PLCXD3: variants seen among roughly 807,000 people sequenced by gnomAD.
PLCXD3 encodes phosphatidylinositol specific phospholipase C X domain containing 3.
In PLCXD3, 19 loss-of-function variants were observed where a neutral mutation model predicts 25.5. That is an observed-to-expected ratio of 0.75 (90% CI 0.52 to 1.09). PLCXD3 has a LOEUF of 1.09. Among genes scored for constraint, PLCXD3 ranks in the 50% least tolerant of loss-of-function variants. The probability of loss-of-function intolerance (pLI) is 0.00; values close to 1 mark genes in which losing one functional copy is unlikely to be tolerated. For missense variants in PLCXD3, 411 were observed against 388.1 expected, an observed-to-expected ratio of 1.06 and a Z score of -0.50; for synonymous variants, 174 against 137.6, an observed-to-expected ratio of 1.26 and a Z score of -1.85.
intron 2 of PLCXD3, among the ~76,000 whole-genome samples, chr5:41,317,197 G>A (rs1743325290): frequency 6.6e-6 from 1 of 152,206 alleles, no homozygotes; most frequent in Non-Finnish European, 1.5e-5. Flanking sequence ...AAGAAAGTAA[G>A]GAAAGAGAAC....
At chr5:41,336,293 C>G (rs1308583023) in intron 2 of PLCXD3, among the ~76,000 whole-genome samples, 2 of 151,962 alleles carry the variant, frequency 1.3e-5, no homozygotes, top group Non-Finnish European at 2.9e-5. Flanking sequence ...GAATTCAAAT[C>G]CTGGGTAAGT....
At chr5:41,361,624 C>T (rs764276525) in intron 2 of PLCXD3, among the ~76,000 whole-genome samples, 17 of 152,136 alleles carry the variant, frequency 1.1e-4, no homozygotes, top group Non-Finnish European at 2.1e-4. Context: ...ATGGAATGAA[C>T]AATAGAAACC....
chr5:41,310,042 G>C lies in PLCXD3; in HGVS notation c.*3575C>G, dbSNP rs911777787. 6.6e-6 allele frequency: 1 copy of C among 152,020 alleles called. No individual in the cohort carries two copies. The highest frequency in any genetic ancestry group is 2.4e-5 in the African/African-American group (1 of 41,406). 9.4% of individuals were successfully genotyped at this position (152,020 alleles called of 1,614,324 possible). ...TGTAATGTGTGTATGTGCACATACA[G>C]GTGTATACATGGCAAACATTTTATA... is the stretch of plus-strand genomic sequence containing the variant. On this transcript the variant is annotated 3_prime_UTR_variant, in exon 3 of 3. Coordinates refer to ENST00000377801, the MANE Select transcript of PLCXD3 (RefSeq NM_001005473.3).
In PLCXD3 at chr5:41,446,176, C is replaced by CAAAAAAAAAAAAAAAAAAAAAAAAAA. The variant is rs70988847; in HGVS notation, c.104-63643_104-63642insTTTTTTTTTTTTTTTTTTTTTTTTTT. Among the ~76,000 whole-genome samples the CAAAAAAAAAAAAAAAAAAAAAAAAAA allele has an allele frequency of 7.9e-5, 3 of 38,120 alleles. 1 individual carries two copies. Among genetic ancestry groups the CAAAAAAAAAAAAAAAAAAAAAAAAAA allele is most frequent in the Non-Finnish European group, 5.0e-5 (1 of 19,888 alleles). The allele number at this position is 38,120 out of a possible 152,430, so 25.0% of individuals were successfully genotyped here. A position where few individuals can be genotyped will look rare whatever the true frequency, so the allele number is the denominator to read the frequency against. ...TGGGCGACGGAGCCAGACTCCTTCT[C>CAAAAAAAAAAAAAAAAAAAAAAAAAA]AAAAAAAAAAAAAAAAAAAAAAAAA... On this transcript the variant is annotated intron_variant, in intron 1 of 2. Transcript: ENST00000377801.
chr5:41,465,773 C>G (rs1316448878), intron 1 of PLCXD3, among the ~76,000 whole-genome samples: 2 of 152,012 alleles, frequency 1.3e-5, no homozygotes, highest in Non-Finnish European at 2.9e-5. Flanking sequence ...TAGCTCTGCT[C>G]TTGACTTTTG....
chr5:41,379,138 A>C (rs567887381), intron 2 of PLCXD3, among the ~76,000 whole-genome samples: 17 of 152,258 alleles, frequency 1.1e-4, no homozygotes, highest in Admixed American at 2.0e-4. Flanking sequence ...CTTTCATTCA[A>C]GGTGTGGAGA....
At chr5:41,427,363 C>A (rs778036826) in intron 1 of PLCXD3, among the ~76,000 whole-genome samples, 1 of 150,868 alleles carries the variant, frequency 6.6e-6, no homozygotes, top group Non-Finnish European at 1.5e-5. Context: ...GTCTAATCTG[C>A]TATTTACCCA....
At chr5:41,451,647 T>A (rs991466020) in intron 1 of PLCXD3, among the ~76,000 whole-genome samples, 1 of 151,872 alleles carries the variant, frequency 6.6e-6, no homozygotes, top group African/African-American at 2.4e-5. Flanking sequence ...CTCTCTTTTT[T>A]TTTTTTATGT....
In PLCXD3 at chr5:41,379,625, T is replaced by C. The variant is rs1189498180; in HGVS notation, c.812+2201A>G. Reference sequence around the variant, plus strand: ...CAGTGTTATAGATGTTGTCAGGGGCTGTTATCCTAGGGCAGAAGATTTGTA... The same window carrying C: ...CAGTGTTATAGATGTTGTCAGGGGCCGTTATCCTAGGGCAGAAGATTTGTA... On this transcript the variant is annotated intron_variant, in intron 2 of 2. Transcript: ENST00000377801. Among the ~76,000 whole-genome samples the C allele has an allele frequency of 3.3e-5, 5 of 152,190 alleles. No individual in the cohort carries two copies. In the East Asian group the frequency reaches 9.7e-4, roughly 30 times the overall value.
chr5:41,503,555 T>G (rs1203396112), intron 1 of PLCXD3, among the ~76,000 whole-genome samples: 1 of 152,054 alleles, frequency 6.6e-6, no homozygotes, highest in East Asian at 1.9e-4. Flanking sequence ...TTTAACCATC[T>G]CCTCCTACCC....
chr5:41,488,166 T>C (rs1369242349), intron 1 of PLCXD3, among the ~76,000 whole-genome samples: 1 of 150,512 alleles, frequency 6.6e-6, no homozygotes, highest in Non-Finnish European at 1.5e-5. Context: ...TGAGTGAGAA[T>C]ATGCGGTGTT....
chr5:41,389,376 A>C (rs1013818405), intron 1 of PLCXD3, among the ~76,000 whole-genome samples: 2 of 152,178 alleles, frequency 1.3e-5, no homozygotes, highest in Non-Finnish European at 2.9e-5. Context: ...GTAATTAAGC[A>C]GAATACCTCC....
In PLCXD3 at chr5:41,382,434, C is replaced by T. The variant is rs16871312; in HGVS notation, c.204G>A (p.Val68=). Residue 68 remains valine, a synonymous_variant, in exon 2 of 3, where the codon GTG becomes GTA. Coordinates refer to ENST00000377801, the MANE Select transcript of PLCXD3 (RefSeq NM_001005473.3). ...ACCATTTCCGCATGAGCTTTTTGGCCACAGTTCCAAACACAGAGACAAAAT... is the reference window on the plus strand; with the variant it reads ...ACCATTTCCGCATGAGCTTTTTGGCTACAGTTCCAAACACAGAGACAAAAT... ...VQNFVSVFGT[V]AKKLMRKWLA... 20,274 of 1,613,300 alleles carry T rather than the reference C, an allele frequency of 0.013. 2,326 individuals carry two copies. The African/African-American group carries it at 0.24, about 19-fold the overall frequency.
At chr5:41,491,047 T>C (rs1748656844) in intron 1 of PLCXD3, among the ~76,000 whole-genome samples, 1 of 152,214 alleles carries the variant, frequency 6.6e-6, no homozygotes, top group Non-Finnish European at 1.5e-5. Context: ...TTTTGGATCT[T>C]TCCTGCTTTC....
intron 1 of PLCXD3, among the ~76,000 whole-genome samples, chr5:41,467,064 T>A (rs1221680047): frequency 2.0e-5 from 3 of 152,150 alleles, no homozygotes; most frequent in Non-Finnish European, 4.4e-5. Context: ...TTTCTTTGAA[T>A]ACACATATAA....
chr5:41,408,481 T>C (rs918421460), intron 1 of PLCXD3, among the ~76,000 whole-genome samples: 1 of 152,216 alleles, frequency 6.6e-6, no homozygotes, highest in Non-Finnish European at 1.5e-5. Flanking sequence ...GAGGACATTC[T>C]AAGTTTTGGG....
chr5:41,477,374 A>G (rs577467665), intron 1 of PLCXD3, among the ~76,000 whole-genome samples: 1 of 152,284 alleles, frequency 6.6e-6, no homozygotes, highest in African/African-American at 2.4e-5. Flanking sequence ...AGTAATCAGG[A>G]TTCTGGAATC....
chr5:41,408,725 A>C (rs1043038533), intron 1 of PLCXD3, among the ~76,000 whole-genome samples: 2 of 152,220 alleles, frequency 1.3e-5, no homozygotes, highest in African/African-American at 2.4e-5. Context: ...GTCTGTGGCC[A>C]TAAGAATACG....
intron 2 of PLCXD3, among the ~76,000 whole-genome samples, chr5:41,362,042 C>G (rs1744796028): frequency 6.6e-6 from 1 of 152,136 alleles, no homozygotes; most frequent in Non-Finnish European, 1.5e-5. Context: ...GGTTTTTGCT[C>G]TATCCCTGAA....
Sources: allele counts gnomAD v4.1 joint callset (sites outside exome capture counted in the v4.1 genomes callset), GRCh38; gene constraint gnomAD v4.1.1; transcripts MANE v1.5; gene names NCBI Gene and HGNC (gene_info 2026-07-23, HGNC 2026-07-21).